Variants in ADGRV1 observed in about 807,000 individuals in gnomAD.
ADGRV1 encodes adhesion G protein-coupled receptor V1, also known as G-protein coupled receptor 98.
ADGRV1 carries 359 observed loss-of-function variants against 596.2 expected under a neutral mutation model. The ratio of observed to expected loss-of-function variants is 0.60; its 90% CI spans 0.55 to 0.66. The LOEUF is 0.66. ADGRV1 is among the 30% of genes least tolerant of loss of function. The probability of loss-of-function intolerance (pLI) is 0.00; values close to 1 mark genes in which losing one functional copy is unlikely to be tolerated. For missense variants in ADGRV1, 7,274 were observed against 7,575.6 expected (o/e 0.96, Z 1.48); for synonymous variants, 2,681 against 2,679.2 (o/e 1.00, Z -0.02).
In ADGRV1 at chr5:90,639,774, TA is replaced by T. The variant is rs1766729069; in HGVS notation, c.2240+1827del. Reference sequence around the variant, plus strand: ...AACATTTAGTTAAATAAAATTTAGATACTGTATTTTATCAAAAACTCCCTCT... The same window carrying T: ...AACATTTAGTTAAATAAAATTTAGATCTGTATTTTATCAAAAACTCCCTCT... On this transcript the variant is annotated intron_variant, in intron 11 of 89. Coordinates refer to ENST00000405460, the MANE Select transcript of ADGRV1 (RefSeq NM_032119.4). Among the ~76,000 whole-genome samples the T allele has an allele frequency of 3.3e-5, 5 of 152,182 alleles. No individual in the cohort carries two copies. The South Asian group carries it at 1.0e-3, about 31-fold the overall frequency.
At chr5:91,161,442 GT>G (rs1337004210) in intron 89 of ADGRV1, among the ~76,000 whole-genome samples, 1 of 149,408 alleles carries the variant, frequency 6.7e-6, no homozygotes, top group Non-Finnish European at 1.5e-5. Flanking sequence ...GTTGTTTTTT[GT>G]TTTGTTTTGT....
chr5:90,845,754 C>T, intron 78 of ADGRV1, among the ~76,000 whole-genome samples: 1 of 151,896 alleles, frequency 6.6e-6, no homozygotes, highest in East Asian at 1.9e-4. Flanking sequence ...TATTTTTTGC[C>T]TCTGCCTGCT....
At chr5:90,707,873 G>A (rs1032288502) in intron 38 of ADGRV1, among the ~76,000 whole-genome samples, 4 of 152,072 alleles carry the variant, frequency 2.6e-5, no homozygotes, top group Non-Finnish European at 5.9e-5. Flanking sequence ...ATAGGAGCAA[G>A]CTGCCCTGGG....
chr5:90,964,852 G>A (rs1419360661), intron 83 of ADGRV1, among the ~76,000 whole-genome samples: 1 of 152,092 alleles, frequency 6.6e-6, no homozygotes, highest in Non-Finnish European at 1.5e-5. Flanking sequence ...AGGAAATTTA[G>A]TGTGGTCAAG....
At chr5:90,714,878 C>T (rs1412933741) in intron 42 of ADGRV1, among the ~76,000 whole-genome samples, 4 of 152,000 alleles carry the variant, frequency 2.6e-5, no homozygotes, top group African/African-American at 9.7e-5. Flanking sequence ...GCTAGTTTTT[C>T]AGGCCAAATA....
Position 90,647,756 on chromosome 5 carries a change from A to T in ADGRV1, c.3281A>T (p.Asn1094Ile). ...TDEPFYIILL[N>I]STGDTVVYQY... ...GAGCCCTTTTATATAATCCTCTTGA[A>T]TTCAACAGGTAAGTAAATTATGCTT... Residue 1094 changes from asparagine to isoleucine, a missense_variant, in exon 17 of 90, where the codon AAT becomes ATT. Around this residue, in one of 5 missense-constraint regions of ADGRV1, gnomAD observed 1,715 missense variants for 1,708.8 expected, o/e 1.00. Transcript: ENST00000405460. 1 of 1,611,362 alleles carries T rather than the reference A, an allele frequency of 6.2e-7. No individual in the cohort carries two copies. The highest frequency in any genetic ancestry group is 8.5e-7 in the Non-Finnish European group (1 of 1,178,398).
chr5:90,911,840 A>G (rs1772916303), intron 83 of ADGRV1, among the ~76,000 whole-genome samples: 1 of 152,116 alleles, frequency 6.6e-6, no homozygotes, highest in Non-Finnish European at 1.5e-5. Context: ...GAAGTTGATT[A>G]AAGTAGAAAC....
chr5:90,623,404 C>CTATTT (rs1235007496), intron 5 of ADGRV1, among the ~76,000 whole-genome samples: 8 of 151,698 alleles, frequency 5.3e-5, no homozygotes, highest in South Asian at 2.1e-4. Flanking sequence ...TTGTCTTTCT[C>CTATTT]TATTTTATTT....
chr5:90,797,300 A>G (rs2150162598), intron 70 of ADGRV1, among the ~76,000 whole-genome samples: 2 of 149,536 alleles, frequency 1.3e-5, no homozygotes, highest in East Asian at 3.9e-4. Context: ...AAAAAAAAAA[A>G]AAAAAAAAAA....
intron 1 of ADGRV1, among the ~76,000 whole-genome samples, chr5:90,603,086 A>G (rs1444740422): frequency 2.6e-5 from 4 of 152,304 alleles, no homozygotes; most frequent in African/African-American, 9.6e-5. Context: ...GAGATCATAC[A>G]TGTAGCTGGG....
intron 87 of ADGRV1, among the ~76,000 whole-genome samples, chr5:91,113,003 G>C (rs1792509955): frequency 6.6e-6 from 1 of 152,156 alleles, no homozygotes; most frequent in African/African-American, 2.4e-5. Context: ...CCAAAGAGCT[G>C]AGACTGTAAA....
intron 85 of ADGRV1, among the ~76,000 whole-genome samples, chr5:91,017,838 A>G (rs529799803): frequency 3.3e-5 from 5 of 152,024 alleles, no homozygotes; most frequent in African/African-American, 1.2e-4. Context: ...ACTTTGAACA[A>G]GTCCTCAGAG....
chr5:90,752,527 C>A (rs1183398802), intron 53 of ADGRV1, among the ~76,000 whole-genome samples: 2 of 152,096 alleles, frequency 1.3e-5, no homozygotes, highest in East Asian at 3.8e-4. Flanking sequence ...ATTTAGCTCC[C>A]ACTTATAAGT....
At chr5:90,752,325 G>T (rs1037276741) in intron 53 of ADGRV1, among the ~76,000 whole-genome samples, 1 of 152,004 alleles carries the variant, frequency 6.6e-6, no homozygotes, top group Non-Finnish European at 1.5e-5. Context: ...TAAGTTCAGG[G>T]GTACCTATGC....
intron 43 of ADGRV1, among the ~76,000 whole-genome samples, chr5:90,719,112 T>C (rs866668317): frequency 2.6e-5 from 4 of 151,994 alleles, no homozygotes; most frequent in African/African-American, 4.8e-5. Context: ...GGCGGATCAC[T>C]TGAGGTCAGG....
At chr5:90,827,863 G>T (rs1261797374) in intron 76 of ADGRV1, among the ~76,000 whole-genome samples, 1 of 152,150 alleles carries the variant, frequency 6.6e-6, no homozygotes, top group Admixed American at 6.5e-5. Flanking sequence ...AATTCTGAAG[G>T]GTTGGTTGTA....
intron 52 of ADGRV1, among the ~76,000 whole-genome samples, chr5:90,747,448 A>G (rs1692675891): frequency 6.6e-6 from 1 of 152,142 alleles, no homozygotes; most frequent in Admixed American, 6.5e-5. Context: ...AATACAAAAT[A>G]AAATCATTGA....
chr5:91,123,243 G>A (rs1234660750), intron 87 of ADGRV1, among the ~76,000 whole-genome samples: 1 of 152,172 alleles, frequency 6.6e-6, no homozygotes, highest in African/African-American at 2.4e-5. Flanking sequence ...CCCAGTAACT[G>A]TTCATTATTA....
At chr5:90,627,138 CT>C (rs2149375563) in intron 6 of ADGRV1, 72 bp from the exon 7 acceptor site, 1 of 782,104 alleles carries the variant, frequency 1.3e-6, no homozygotes, top group South Asian at 2.5e-5. Flanking sequence ...AACATAATGA[CT>C]TGTTACACTT....
Sources: gnomAD v4.1 joint callset for allele counts (sites outside exome capture counted in the v4.1 genomes callset) on GRCh38, gnomAD v4.1.1 for gene constraint, gnomAD v4.1.1 regional missense constraint, MANE v1.5 for transcripts, NCBI Gene and HGNC (gene_info 2026-07-23, HGNC 2026-07-21) for gene names.